The following PRKX variants were observed in gnomAD, a reference collection of about 807,000 sequenced individuals.
PRKX encodes the protein cAMP-dependent protein kinase catalytic subunit PRKX.
Under a neutral mutation model 22.0 loss-of-function variants are expected in PRKX, and 12 were observed. The ratio of observed to expected loss-of-function variants is 0.54; its 90% CI spans 0.35 to 0.88. PRKX has a LOEUF of 0.88. Among genes scored for constraint, PRKX ranks in the 40% least tolerant of loss-of-function variants. The pLI is 0.01. For missense variants in PRKX, 217 were observed against 308.0 expected (o/e 0.70, Z 2.21); for synonymous variants, 134 against 137.7 (o/e 0.97, Z 0.19).
At chrX:3,698,476 C>T (rs1400977500) in intron 1 of PRKX, among the ~76,000 whole-genome samples, 1 of 111,218 alleles carries the variant, frequency 9.0e-6, no homozygotes, top group Non-Finnish European at 1.9e-5. Flanking sequence ...CATGAGCCAC[C>T]GTGTCCAGAA....
chrX:3,692,806 C>A (rs780205783), intron 1 of PRKX, among the ~76,000 whole-genome samples: 4 of 111,285 alleles, frequency 3.6e-5, no homozygotes, highest in Non-Finnish European at 5.7e-5. Flanking sequence ...GGATTACAGG[C>A]GTGAGCCACG....
intron 1 of PRKX, among the ~76,000 whole-genome samples, chrX:3,705,812 C>G (rs1928670444): frequency 9.4e-6 from 1 of 106,940 alleles, no homozygotes; most frequent in African/African-American, 3.4e-5. Context: ...TCAGCCTCCC[C>G]AGCAGCTGGG....
chrX:3,636,474 G>A (rs1340208790), intron 4 of PRKX, among the ~76,000 whole-genome samples: 4 of 112,911 alleles, frequency 3.5e-5, no homozygotes, highest in East Asian at 5.6e-4. Flanking sequence ...TGGGCTGGTC[G>A]GACAGGGCAT....
intron 1 of PRKX, among the ~76,000 whole-genome samples, chrX:3,684,600 C>T (rs1928138630): frequency 9.0e-6 from 1 of 111,058 alleles, no homozygotes; most frequent in African/African-American, 3.3e-5. Flanking sequence ...GTACTTTGCT[C>T]GAACTACTGT....
chrX:3,675,634 T>C (rs1335664474), intron 1 of PRKX, among the ~76,000 whole-genome samples: 2 of 110,093 alleles, frequency 1.8e-5, no homozygotes, highest in Non-Finnish European at 3.8e-5. Context: ...GTCAATGAGA[T>C]ATAAAAGAAA....
In PRKX at chrX:3,626,138, TATAAA is replaced by T. The variant is rs1225859614; in HGVS notation, c.815+276_815+280del. Among the ~76,000 whole-genome samples, 6 of 112,270 alleles carry T rather than the reference TATAAA, an allele frequency of 5.3e-5. No homozygotes were observed. In the East Asian group the frequency reaches 8.4e-4, roughly 16 times the overall value. On this transcript the variant is annotated intron_variant, in intron 5 of 8. Coordinates refer to ENST00000262848, the MANE Select transcript of PRKX (RefSeq NM_005044.5). ...TTGTCAAATTCCAAAACTGCTCTCT[TATAAA>T]ATACGATGACAAACTCGTTCATTGG...
At chrX:3,698,693 A>G (rs1425939071) in intron 1 of PRKX, among the ~76,000 whole-genome samples, 1 of 109,091 alleles carries the variant, frequency 9.2e-6, no homozygotes, top group Non-Finnish European at 1.9e-5. Flanking sequence ...GGTTGAAGCG[A>G]TTTTCGTGTC....
chrX:3,694,632 T>C (rs1928408934), intron 1 of PRKX, among the ~76,000 whole-genome samples: 1 of 110,515 alleles, frequency 9.0e-6, no homozygotes, highest in Non-Finnish European at 1.9e-5. Context: ...CACAAAGATA[T>C]ATTCACATCC....
rs192006798 is a variant in PRKX at position 3,616,305 on chromosome X, A to G, written c.874-413T>C. On this transcript the variant is annotated intron_variant, in intron 6 of 8. Transcript: ENST00000262848. ...AAGGAATGATGTTAATTTGCTCCGT[A>G]GGACCCAGCAAGTAAATAACAAGAC... Among the ~76,000 whole-genome samples, 51 of 111,682 alleles carry G rather than the reference A, an allele frequency of 4.6e-4. No individual in the cohort carries two copies. The East Asian group carries it at 0.013, about 28-fold the overall frequency.
At chrX:3,639,665 G>C (rs1332716978) in intron 4 of PRKX, among the ~76,000 whole-genome samples, 1 of 109,538 alleles carries the variant, frequency 9.1e-6, no homozygotes, top group Admixed American at 9.8e-5. Flanking sequence ...CACATGGATA[G>C]CTAGACAATG....
At chrX:3,625,074 C>A (rs1374430550) in intron 5 of PRKX, among the ~76,000 whole-genome samples, 2 of 111,860 alleles carry the variant, frequency 1.8e-5, no homozygotes, top group Admixed American at 9.5e-5. Flanking sequence ...TCCCCTGACA[C>A]CTCCCTGTCT....
At chrX:3,621,193 T>C in intron 6 of PRKX, 66 bp downstream of exon 6, 1 of 1,005,347 alleles carries the variant, frequency 9.9e-7, no homozygotes, top group East Asian at 3.1e-5. Flanking sequence ...CACATGCCAA[T>C]GTGGGTGTTA....
chrX:3,660,329 G>A (rs1358219291), intron 2 of PRKX, among the ~76,000 whole-genome samples: 5 of 111,975 alleles, frequency 4.5e-5, no homozygotes, highest in Non-Finnish European at 9.4e-5. Flanking sequence ...CTGAACATTT[G>A]GGGGTAACAC....
In PRKX at chrX:3,650,204, T is replaced by A. The variant is rs185242008; in HGVS notation, c.599+4945A>T. Among the ~76,000 whole-genome samples, 47 of 110,804 alleles carry A rather than the reference T, an allele frequency of 4.2e-4. No homozygotes were observed. In the East Asian group the frequency reaches 0.013, roughly 30 times the overall value. On this transcript the variant is annotated intron_variant, in intron 3 of 8. Transcript: ENST00000262848. ...TGAGTAGATTACATTACAACATGCT[T>A]AAGTATGTTTTTACCCCATGCTATA...
Position 3,674,726 on chromosome X carries a change from C to A in PRKX, c.207G>T (p.Lys69Asn). The A allele has an allele frequency of 2.5e-6, 3 of 1,211,424 alleles. No individual in the cohort carries two copies. The highest frequency in any genetic ancestry group is 1.8e-5 in the South Asian group (1 of 56,981). ...TFGRVHLVKE[K>N]TAKHFFALKV... is the part of the protein sequence containing the mutation. ...TGAGGGCGAAGAAATGCTTGGCTGT[C>A]TTCTCCTTCACCAGGTGCACCCGCC... The change falls in exon 2 of 9, where the codon AAG becomes AAT. Residue 69 changes from lysine (K) to asparagine (N), a missense_variant. Coordinates refer to ENST00000262848, the MANE Select transcript of PRKX (RefSeq NM_005044.5).
chrX:3,636,694 T>C (rs1356961491), intron 4 of PRKX, among the ~76,000 whole-genome samples: 2 of 112,125 alleles, frequency 1.8e-5, no homozygotes. Context: ...ACCCCCTCTC[T>C]ACTAAAAATA....
At chrX:3,702,693 CTTTTTT>C (rs747061377) in intron 1 of PRKX, among the ~76,000 whole-genome samples, 1 of 89,077 alleles carries the variant, frequency 1.1e-5, no homozygotes, top group Non-Finnish European at 2.2e-5. Flanking sequence ...GTCTATTTTT[CTTTTTT>C]TTTTTTTTAA....
chrX:3,678,979 T>C (rs1197781501), intron 1 of PRKX, among the ~76,000 whole-genome samples: 2 of 111,741 alleles, frequency 1.8e-5, no homozygotes, highest in African/African-American at 3.2e-5. Flanking sequence ...AAGTGGTCCA[T>C]TCCCCACCCT....
chrX:3,705,691 C>CTTTTTTTTT (rs1365283802), intron 1 of PRKX, among the ~76,000 whole-genome samples: 1,714 of 101,626 alleles, frequency 0.017, 38 homozygotes, highest in African/African-American at 0.047. Context: ...TTTTTCTTTT[C>CTTTTTTTTT]TTTTTTTTTT....
Sources: gnomAD v4.1 joint callset for allele counts (sites outside exome capture counted in the v4.1 genomes callset) on GRCh38, gnomAD v4.1.1 for gene constraint, MANE v1.5 for transcripts, NCBI Gene and HGNC (gene_info 2026-07-23, HGNC 2026-07-21) for gene names.